The following CDH3 variants were observed in gnomAD, a reference collection of about 807,000 sequenced individuals.
The protein encoded by CDH3 is cadherin-3.
Under a neutral mutation model 82.0 loss-of-function variants are expected in CDH3, and 54 were observed. The ratio of observed to expected loss-of-function variants is 0.66; its 90% CI spans 0.53 to 0.83. The LOEUF is 0.83. Ranked by LOEUF, CDH3 falls within the 40% of genes least tolerant of loss-of-function variation. CDH3 has a pLI of 0.00. For synonymous variants in CDH3, 446 were observed against 437.9 expected (o/e 1.02, Z -0.23); for missense variants, 1,054 against 1,084.6 (o/e 0.97, Z 0.40).
chr16:68,680,482 C>T (rs1348630433), intron 7 of CDH3, among the ~76,000 whole-genome samples: 1 of 152,154 alleles, frequency 6.6e-6, no homozygotes, highest in East Asian at 1.9e-4. Flanking sequence ...AGTTCAAGAC[C>T]AGCCTGGCCA....
intron 5 of CDH3, 38 bp from the exon 6 acceptor site, chr16:68,678,724 G>A: frequency 1.2e-6 from 2 of 1,614,152 alleles, no homozygotes; most frequent in South Asian, 1.1e-5. Flanking sequence ...GGTGAGGTGG[G>A]TGGCACCGGG....
At chr16:68,671,171 T>G (rs1960875159) in intron 2 of CDH3, among the ~76,000 whole-genome samples, 1 of 151,588 alleles carries the variant, frequency 6.6e-6, no homozygotes, top group Non-Finnish European at 1.5e-5. Context: ...TTTTTTTTTT[T>G]TAAGAGACAG....
rs1420685205 is a variant in CDH3 at position 68,719,783 on chromosome 16, GCCACCACAC to G, written c.100-2638_100-2630del. Among the ~76,000 whole-genome samples the G allele has an allele frequency of 2.6e-5, 4 of 152,262 alleles. No homozygotes were observed. The South Asian group carries it at 6.2e-4, about 24-fold the overall frequency. Reference sequence around the variant, plus strand: ...CAAAGTGCTGGGATTGCAGGCGTGAGCCACCACACCCAGAGATGGAACTGTACTACATCT... The same window carrying G: ...CAAAGTGCTGGGATTGCAGGCGTGAGCCAGAGATGGAACTGTACTACATCT... On this transcript the variant is annotated intron_variant, in intron 1 of 2. Coordinates refer to the CDH3 transcript ENST00000569080.
chr16:68,729,900 C>T (rs140773055), downstream of CDH3, among the ~76,000 whole-genome samples: 2,058 of 152,198 alleles, frequency 0.014, 45 homozygotes, highest in African/African-American at 0.047. Context: ...TCCTAAAGTG[C>T]TGGGACTACA....
At chr16:68,659,232 A>C (rs1170799219) in intron 2 of CDH3, among the ~76,000 whole-genome samples, 1 of 152,126 alleles carries the variant, frequency 6.6e-6, no homozygotes, top group Non-Finnish European at 1.5e-5. Flanking sequence ...CTGAGCTTAC[A>C]CCACTGAACT....
chr16:68,658,542 T>TG (rs1356604712), intron 2 of CDH3, among the ~76,000 whole-genome samples: 1 of 152,114 alleles, frequency 6.6e-6, no homozygotes, highest in Non-Finnish European at 1.5e-5. Context: ...CTGGGTGTCT[T>TG]GCTGAAGGCT....
intron 13 of CDH3, among the ~76,000 whole-genome samples, chr16:68,692,377 G>C (rs1475424523): frequency 2.6e-5 from 4 of 152,156 alleles, no homozygotes; most frequent in African/African-American, 9.7e-5. Flanking sequence ...CAGTCAATCA[G>C]TAGGTCTTTC....
chr16:68,695,228 A>G (rs1454674188), intron 13 of CDH3, 27 bp from the exon 14 acceptor site: 3 of 1,613,894 alleles, frequency 1.9e-6, no homozygotes. Context: ...TTACAGAGGG[A>G]GCACTCACAC....
chr16:68,683,051 G>A (rs1007889161), intron 9 of CDH3, among the ~76,000 whole-genome samples: 1 of 151,924 alleles, frequency 6.6e-6, no homozygotes, highest in African/African-American at 2.4e-5. Context: ...AGTTTCAGAT[G>A]AGCCTGGTGA....
intron 2 of CDH3, among the ~76,000 whole-genome samples, chr16:68,661,316 G>A (rs1213678075): frequency 2.6e-5 from 4 of 152,188 alleles, no homozygotes; most frequent in African/African-American, 4.8e-5. Flanking sequence ...CTTACTACTT[G>A]TGGAACCTTG....
At chr16:68,685,565 G>T (rs547591050) in intron 11 of CDH3, among the ~76,000 whole-genome samples, 6 of 152,298 alleles carry the variant, frequency 3.9e-5, no homozygotes, top group African/African-American at 1.4e-4. Context: ...CAGCACTTTG[G>T]GAGGCCAAGG....
downstream of CDH3, among the ~76,000 whole-genome samples, chr16:68,701,770 A>T (rs1230202560): frequency 2.6e-5 from 4 of 151,888 alleles, no homozygotes; most frequent in Non-Finnish European, 5.9e-5. Context: ...TCACGCCTGC[A>T]ATCCCAGCAC....
intron 1 of CDH3, among the ~76,000 whole-genome samples, chr16:68,713,326 A>C (rs1161451107): frequency 6.6e-6 from 1 of 152,102 alleles, no homozygotes; most frequent in Non-Finnish European, 1.5e-5. Context: ...ATCAACAAGC[A>C]TATCGGGTTG....
intron 2 of CDH3, chr16:68,651,485 G>GAAAA: frequency 2.0e-6 from 1 of 502,752 alleles, no homozygotes. Flanking sequence ...CCTTCATGGT[G>GAAAA]TTCTAGTCGA....
At chr16:68,685,854 A>G (rs981029705) in intron 11 of CDH3, among the ~76,000 whole-genome samples, 1 of 152,066 alleles carries the variant, frequency 6.6e-6, no homozygotes, top group African/African-American at 2.4e-5. Context: ...CCATGATTCC[A>G]ATTTCCCTAA....
At chr16:68,704,068 C>T (rs1362059172), downstream of CDH3, among the ~76,000 whole-genome samples, 2 of 151,950 alleles carry the variant, frequency 1.3e-5, no homozygotes, top group Non-Finnish European at 2.9e-5. Context: ...GGGCGGATCA[C>T]GAGGTCAGGA....
chr16:68,705,021 C>T (rs1338337566), downstream of CDH3, among the ~76,000 whole-genome samples: 3 of 152,066 alleles, frequency 2.0e-5, no homozygotes, highest in African/African-American at 4.8e-5. Context: ...GTGATTACAC[C>T]ACTGCACTCC....
intron 2 of CDH3, among the ~76,000 whole-genome samples, chr16:68,654,713 AAT>A (rs1555504519): frequency 6.5e-4 from 59 of 91,104 alleles, no homozygotes; most frequent in African/African-American, 1.2e-3. Flanking sequence ...AAAAAAAAAA[AAT>A]ATATATATAT....
chr16:68,725,584 T>C lies in CDH3; in HGVS notation c.*46-1569T>C, dbSNP rs377624701. Among the ~76,000 whole-genome samples the C allele has an allele frequency of 3.4e-4, 52 of 152,072 alleles. No individual in the cohort carries two copies. In the East Asian group the frequency reaches 9.8e-3, roughly 29 times the overall value. ...TCCTGACCTCCTGATCCACCCGCCT[T>C]GGCCTCCCAAAGTGCAGGGATTACA... On this transcript the variant is annotated intron_variant, in intron 2 of 2. Coordinates refer to the CDH3 transcript ENST00000569080.
Sources: allele counts gnomAD v4.1 joint callset (sites outside exome capture counted in the v4.1 genomes callset), GRCh38; gene constraint gnomAD v4.1.1; transcripts MANE v1.5; gene names NCBI Gene and HGNC (gene_info 2026-07-23, HGNC 2026-07-21).